CYP7B1: variants seen among roughly 807,000 people sequenced by gnomAD.
CYP7B1 encodes cytochrome P450 family 7 subfamily B member 1.
Under a neutral mutation model 42.7 loss-of-function variants are expected in CYP7B1, and 29 were observed. That is an observed-to-expected ratio of 0.68 (90% CI 0.51 to 0.93). CYP7B1 has a LOEUF of 0.93. CYP7B1 is among the 40% of genes least tolerant of loss of function. The pLI, the probability that CYP7B1 is intolerant of heterozygous loss-of-function variation, is 0.00. For synonymous variants in CYP7B1, 235 were observed against 218.2 expected (o/e 1.08, Z -0.68); for missense variants, 655 against 600.5 (o/e 1.09, Z -0.95).
chr8:64,716,033 G>C (rs1298762661), intron 1 of CYP7B1, among the ~76,000 whole-genome samples: 1 of 152,136 alleles, frequency 6.6e-6, no homozygotes, highest in Admixed American at 6.5e-5. Flanking sequence ...TTCTCTAAGT[G>C]AAAACATAAA....
At chr8:64,731,634 T>C (rs1045639584) in intron 1 of CYP7B1, among the ~76,000 whole-genome samples, 2 of 152,228 alleles carry the variant, frequency 1.3e-5, no homozygotes, top group African/African-American at 4.8e-5. Flanking sequence ...AGGAGCTGAA[T>C]GTTAATCACA....
intron 1 of CYP7B1, among the ~76,000 whole-genome samples, chr8:64,788,778 T>C (rs983100633): frequency 2.6e-5 from 4 of 152,266 alleles, no homozygotes; most frequent in Admixed American, 2.6e-4. Context: ...ACCAGAAATA[T>C]GCTATAGGAA....
At chr8:64,796,923 G>T (rs1804711141) in intron 1 of CYP7B1, among the ~76,000 whole-genome samples, 1 of 152,060 alleles carries the variant, frequency 6.6e-6, no homozygotes, top group Non-Finnish European at 1.5e-5. Flanking sequence ...GAGCATTAGG[G>T]TAAACTATCC....
At chr8:64,783,499 T>C (rs761068706) in intron 1 of CYP7B1, among the ~76,000 whole-genome samples, 15 of 151,998 alleles carry the variant, frequency 9.9e-5, no homozygotes, top group African/African-American at 2.2e-4. Flanking sequence ...ATGATATGTA[T>C]GTCGGGTGAG....
chr8:64,735,194 A>G (rs1025655924), intron 1 of CYP7B1, among the ~76,000 whole-genome samples: 2 of 152,222 alleles, frequency 1.3e-5, no homozygotes, highest in African/African-American at 4.8e-5. Context: ...AAATGGATAT[A>G]CAATATTTTT....
At chr8:64,769,563 G>A (rs1429807141) in intron 1 of CYP7B1, among the ~76,000 whole-genome samples, 1 of 152,020 alleles carries the variant, frequency 6.6e-6, no homozygotes, top group Admixed American at 6.6e-5. Flanking sequence ...AAGCCTCCAT[G>A]CCCAATTAAA....
intron 1 of CYP7B1, among the ~76,000 whole-genome samples, chr8:64,727,152 C>G (rs61485032): frequency 0.039 from 5,996 of 152,232 alleles, 399 homozygotes; most frequent in African/African-American, 0.14. Flanking sequence ...GCTTTCCCTG[C>G]CCACTTAAGG....
At chr8:64,734,538 A>G (rs972241627) in intron 1 of CYP7B1, 6 of 152,218 alleles carry the variant, frequency 3.9e-5, no homozygotes, top group African/African-American at 1.2e-4. Context: ...CATAATCCTC[A>G]TGACTTAATC....
intron 1 of CYP7B1, among the ~76,000 whole-genome samples, chr8:64,726,492 T>C (rs1316397832): frequency 6.6e-6 from 1 of 152,178 alleles, no homozygotes; most frequent in Non-Finnish European, 1.5e-5. Flanking sequence ...CAACCTCCTA[T>C]TGGAACGGGC....
At chr8:64,780,313 T>C (rs1804399802) in intron 1 of CYP7B1, among the ~76,000 whole-genome samples, 1 of 152,146 alleles carries the variant, frequency 6.6e-6, no homozygotes, top group South Asian at 2.1e-4. Context: ...TCACTGAGAA[T>C]CTACTCAGTG....
At chr8:64,691,439 A>G (rs1806740311) in intron 1 of CYP7B1, among the ~76,000 whole-genome samples, 1 of 143,130 alleles carries the variant, frequency 7.0e-6, no homozygotes, top group African/African-American at 2.6e-5. Flanking sequence ...GCATATGTAC[A>G]TATAAACAGG....
chr8:64,662,225 TGA>T (rs1435327038), intron 1 of CYP7B1, among the ~76,000 whole-genome samples: 1 of 152,138 alleles, frequency 6.6e-6, no homozygotes, highest in African/African-American at 2.4e-5. Flanking sequence ...CTCAGCTACC[TGA>T]GATGCAGAGA....
intron 1 of CYP7B1, among the ~76,000 whole-genome samples, chr8:64,731,852 G>T (rs1223847997): frequency 6.6e-6 from 1 of 152,236 alleles, no homozygotes; most frequent in Non-Finnish European, 1.5e-5. Flanking sequence ...CTCAGGCCAT[G>T]AATTCAGAGG....
chr8:64,773,305 T>A (rs1429567374), intron 1 of CYP7B1, among the ~76,000 whole-genome samples: 1 of 152,226 alleles, frequency 6.6e-6, no homozygotes, highest in Non-Finnish European at 1.5e-5. Context: ...TAATTTCTTC[T>A]AATGTACACT....
chr8:64,675,921 C>T (rs558660683), intron 1 of CYP7B1, among the ~76,000 whole-genome samples: 81 of 152,242 alleles, frequency 5.3e-4, no homozygotes, highest in African/African-American at 1.9e-3. Flanking sequence ...ACCATACACC[C>T]CCAGGGGGGT....
intron 1 of CYP7B1, among the ~76,000 whole-genome samples, chr8:64,728,571 T>C (rs1449095869): frequency 1.3e-5 from 2 of 152,262 alleles, no homozygotes; most frequent in African/African-American, 4.8e-5. Flanking sequence ...TAAGTTATTA[T>C]AATTGTTGAG....
intron 5 of CYP7B1, 34 bp downstream of exon 5, chr8:64,604,648 A>C (rs1250879442): frequency 8.7e-6 from 14 of 1,612,620 alleles, no homozygotes; most frequent in Non-Finnish European, 1.2e-5. Context: ...ACAGGATCTA[A>C]GAAGTAGCAA....
In CYP7B1 at chr8:64,764,613, G is replaced by A. The variant is rs996830914; in HGVS notation, c.122+33853C>T. Among the ~76,000 whole-genome samples, 41 of 152,076 alleles carry A rather than the reference G, an allele frequency of 2.7e-4. 1 individual carries two copies. Among genetic ancestry groups the A allele is most frequent in the African/African-American group, 9.2e-4 (38 of 41,414 alleles). ...TACCCTGAAAACACTGAGACAACCC[G>A]TAGCCTTCTTATCAAAAATTCTTAA... is the stretch of plus-strand genomic sequence containing the variant. On this transcript the variant is annotated intron_variant, in intron 1 of 5. Coordinates refer to ENST00000310193, the MANE Select transcript of CYP7B1 (RefSeq NM_004820.5).
rs4644298 is a variant in CYP7B1, at chr8:64,796,300, C to A, written c.122+2166G>T. Among the ~76,000 whole-genome samples, 719 of 152,142 alleles carry A rather than the reference C, an allele frequency of 4.7e-3. 1 individual carries two copies. The highest frequency in any genetic ancestry group is 7.3e-3 in the Non-Finnish European group (493 of 67,964). ...AATTCCCATTACATAAGAGTCTTTG[C>A]TGATTATATAGAAAAAGAACCCAAT... On this transcript the variant is annotated intron_variant, in intron 1 of 5. Transcript: ENST00000310193.
Sources: allele counts gnomAD v4.1 joint callset (sites outside exome capture counted in the v4.1 genomes callset), GRCh38; gene constraint gnomAD v4.1.1; transcripts MANE v1.5; gene names NCBI Gene and HGNC (gene_info 2026-07-23, HGNC 2026-07-21).